DENND5B: variants seen among roughly 807,000 people sequenced by gnomAD.
DENND5B encodes DENN domain-containing protein 5B.
A neutral mutation model predicts 140.6 loss-of-function variants in DENND5B; 34 were observed. The observed-to-expected ratio is 0.24, with a 90% CI of 0.18 to 0.32. The LOEUF (loss-of-function observed/expected upper bound fraction) is 0.32, where lower values mean the gene tolerates loss of function less well. DENND5B is among the 10% of genes least tolerant of loss of function. The pLI, the probability that DENND5B is intolerant of heterozygous loss-of-function variation, is 1.00. For synonymous variants in DENND5B, 551 were observed against 562.1 expected, an observed-to-expected ratio of 0.98 and a Z score of 0.28; for missense variants, 1,142 against 1,560.2, an observed-to-expected ratio of 0.73 and a Z score of 4.52.
chr12:31,463,915 G>C (rs1194622177), intron 3 of DENND5B, among the ~76,000 whole-genome samples: 2 of 152,122 alleles, frequency 1.3e-5, no homozygotes, highest in Non-Finnish European at 2.9e-5. Flanking sequence ...TGATCCACAC[G>C]CCTTTGCCTC....
At chr12:31,398,055 C>T in intron 17 of DENND5B, 120 bp downstream of exon 17, 2 of 974,096 alleles carry the variant, frequency 2.1e-6, no homozygotes, top group Admixed American at 4.7e-5. Context: ...TATGAATTTT[C>T]CTCAACTTTC....
intron 3 of DENND5B, among the ~76,000 whole-genome samples, chr12:31,475,187 A>G (rs1360848523): frequency 6.6e-6 from 1 of 152,068 alleles, no homozygotes; most frequent in Non-Finnish European, 1.5e-5. Flanking sequence ...CAAAATATAC[A>G]ATGCCTTTTT....
chr12:31,468,280 T>C (rs1945372698), intron 3 of DENND5B, among the ~76,000 whole-genome samples: 1 of 152,060 alleles, frequency 6.6e-6, no homozygotes, highest in African/African-American at 2.4e-5. Flanking sequence ...TATTTATTTT[T>C]AGAATTCAAT....
chr12:31,497,750 G>A (rs1320146948), intron 1 of DENND5B, among the ~76,000 whole-genome samples: 1 of 121,802 alleles, frequency 8.2e-6, no homozygotes, highest in Non-Finnish European at 1.7e-5. Flanking sequence ...CATCTCGAAA[G>A]AAAGGAAAGT....
chr12:31,533,191 C>T (rs190962786), intron 1 of DENND5B, among the ~76,000 whole-genome samples: 12 of 152,124 alleles, frequency 7.9e-5, no homozygotes, highest in African/African-American at 2.9e-4. Flanking sequence ...ACAGCAGGCT[C>T]TCCAAATCCA....
chr12:31,415,335 C>A, intron 12 of DENND5B, 32 bp downstream of exon 12: 1 of 1,503,308 alleles, frequency 6.7e-7, no homozygotes, highest in East Asian at 2.3e-5. Context: ...AAGTTATCAC[C>A]ACATGCTAAC....
chr12:31,533,744 G>A (rs940378524), intron 1 of DENND5B, among the ~76,000 whole-genome samples: 1 of 152,200 alleles, frequency 6.6e-6, no homozygotes, highest in East Asian at 1.9e-4. Flanking sequence ...ATCACATGTA[G>A]GTTGACCAGG....
intron 8 of DENND5B, among the ~76,000 whole-genome samples, chr12:31,431,191 CTAT>C (rs1263169813): frequency 2.6e-5 from 4 of 152,150 alleles, no homozygotes; most frequent in Admixed American, 6.6e-5. Context: ...AAAATATATC[CTAT>C]TATTCAATAA....
chr12:31,453,277 T>C (rs1944621641), intron 4 of DENND5B, among the ~76,000 whole-genome samples: 1 of 151,140 alleles, frequency 6.6e-6, no homozygotes, highest in Non-Finnish European at 1.5e-5. Context: ...CAAGATATTT[T>C]TGAGTTGAGT....
rs1450887010 is a variant in DENND5B, at chr12:31,384,641, C to T, written c.*2962G>A. 2.0e-5 allele frequency: 3 copies of T among 152,094 alleles called. No homozygotes were observed. The highest frequency in any genetic ancestry group is 4.4e-5 in the Non-Finnish European group (3 of 68,030). The allele number at this position is 152,094 out of a possible 1,614,324, so 9.4% of individuals were successfully genotyped here. The stretch of plus-strand genomic sequence containing the variant: ...ATGTGTTTTTTTTAAATCATCATTT[C>T]ACCATTATAGTAATATTACACAAAG... On this transcript the variant is annotated 3_prime_UTR_variant, in exon 21 of 21. Transcript: ENST00000389082.
intron 2 of DENND5B, among the ~76,000 whole-genome samples, chr12:31,481,519 A>G (rs12812075): frequency 0.13 from 20,415 of 152,262 alleles, 1,619 homozygotes; most frequent in Non-Finnish European, 0.18. Context: ...ATTAGAAAAG[A>G]AGGAGCTACC....
intron 1 of DENND5B, among the ~76,000 whole-genome samples, chr12:31,585,863 C>G (rs1364085747): frequency 6.6e-6 from 1 of 152,190 alleles, no homozygotes; most frequent in East Asian, 1.9e-4. Flanking sequence ...GCAGAGATCT[C>G]ATCCATCAGA....
chr12:31,495,186 A>G (rs1448731529), intron 2 of DENND5B, among the ~76,000 whole-genome samples: 3 of 152,216 alleles, frequency 2.0e-5, no homozygotes, highest in African/African-American at 2.4e-5. Flanking sequence ...TCTCAGGCCA[A>G]TAAAGTAATA....
Position 31,486,665 on chromosome 12 carries a change from C to T in DENND5B, c.238-6410G>A, listed in dbSNP as rs1318865505. On this transcript the variant is annotated intron_variant, in intron 2 of 20. Coordinates refer to ENST00000389082, the MANE Select transcript of DENND5B (RefSeq NM_144973.4). ...TCTTCATGAAAAAAATTGCCAAGCCCTATTTTAAGCCATTAACTGGTAGGC... is the reference window on the plus strand; with the variant it reads ...TCTTCATGAAAAAAATTGCCAAGCCTTATTTTAAGCCATTAACTGGTAGGC... 3.3e-5 allele frequency among the ~76,000 whole-genome samples: 5 copies of T among 152,132 alleles called. No individual in the cohort carries two copies. The East Asian group carries it at 7.7e-4, about 23-fold the overall frequency.
chr12:31,494,221 T>TACCTACCTAC lies in DENND5B; in HGVS notation c.237+1588_237+1589insGTAGGTAGGT, dbSNP rs3034051. 2.0e-3 allele frequency among the ~76,000 whole-genome samples: 215 copies of TACCTACCTAC among 106,518 alleles called. 9 individuals carry two copies. Among genetic ancestry groups the TACCTACCTAC allele is most frequent in the African/African-American group, 5.5e-3 (155 of 28,380 alleles). The allele number at this position is 106,518 out of a possible 152,430, so 69.9% of individuals were successfully genotyped here. A position where few individuals can be genotyped will look rare whatever the true frequency, so the allele number is the denominator to read the frequency against. ...CCATCCACCTACCTACCTACCTACC[T>TACCTACCTAC]CTACCTACCTACCTACCTACCTACC... On this transcript the variant is annotated intron_variant, in intron 2 of 20. Transcript: ENST00000389082.
At chr12:31,433,373 T>C in intron 7 of DENND5B, 125 bp from the exon 8 acceptor site, 1 of 826,724 alleles carries the variant, frequency 1.2e-6, no homozygotes, top group South Asian at 2.1e-5. Context: ...ATAGCAGCTT[T>C]GTTAAAATAT....
intron 2 of DENND5B, among the ~76,000 whole-genome samples, chr12:31,489,463 C>T (rs970634218): frequency 2.6e-5 from 4 of 152,164 alleles, no homozygotes; most frequent in Non-Finnish European, 4.4e-5. Flanking sequence ...AGTGTTGCTA[C>T]GGACTCTGTT....
chr12:31,479,760 G>C lies in DENND5B; in HGVS notation c.733C>G (p.Leu245Val). 6.2e-7 allele frequency: 1 copy of C among 1,606,044 alleles called. No homozygotes were observed. Among genetic ancestry groups the C allele is most frequent in the Non-Finnish European group, 8.5e-7 (1 of 1,176,198 alleles). ...EVPLPPPGRS[L>V]KFYGVYEPVI... ...GGTTCATAAACACCATAAAATTTCA[G>C]TGACCTCCCTGGAGGTGGAAGGGGT... Residue 245 changes from leucine to valine, a missense_variant, in exon 3 of 21, where the codon CTG becomes GTG. Physicochemically the swap from Leu to Val is conservative, Grantham distance 32 (BLOSUM62 1). This residue lies in a region of DENND5B where 708 missense variants were observed against 905.5 expected (regional missense o/e 0.78). Transcript: ENST00000389082.
Position 31,483,869 on chromosome 12 carries a change from T to TC in DENND5B, c.238-3615_238-3614insG, listed in dbSNP as rs530611750. On this transcript the variant is annotated intron_variant, in intron 2 of 20. Transcript: ENST00000389082. The stretch of plus-strand genomic sequence containing the variant: ...AGAGCAGTTTTCTTTTCTTTTCTTT[T>TC]TTTTTTTTTTTTTGAGATAGAGTCT... 6.7e-3 allele frequency among the ~76,000 whole-genome samples: 997 copies of TC among 149,332 alleles called. 6 individuals are homozygous for TC. Among genetic ancestry groups the TC allele is most frequent in the Non-Finnish European group, 0.01 (699 of 66,952 alleles).
Sources: allele counts gnomAD v4.1 joint callset (sites outside exome capture counted in the v4.1 genomes callset), GRCh38; gene constraint gnomAD v4.1.1; regional missense constraint gnomAD v4.1.1; transcripts MANE v1.5; gene names NCBI Gene and HGNC (gene_info 2026-07-23, HGNC 2026-07-21).